Variants in PPP1R21 observed in about 807,000 individuals in gnomAD.
PPP1R21 encodes the protein protein phosphatase 1 regulatory subunit 21.
In PPP1R21, 85 loss-of-function variants were observed where a neutral mutation model predicts 112.8. The observed-to-expected ratio is 0.75, with a 90% CI of 0.63 to 0.90. PPP1R21 has a LOEUF of 0.90. Among genes scored for constraint, PPP1R21 ranks in the 40% least tolerant of loss-of-function variants. The probability of loss-of-function intolerance (pLI) is 0.00; values close to 1 mark genes in which losing one functional copy is unlikely to be tolerated. For missense variants in PPP1R21, 1,199 were observed against 901.5 expected (o/e 1.33, Z -4.23); for synonymous variants, 381 against 322.3 (o/e 1.18, Z -1.95).
At chr2:48,454,288 A>AAATC (rs1553336046) in intron 2 of PPP1R21, among the ~76,000 whole-genome samples, 2 of 152,036 alleles carry the variant, frequency 1.3e-5, no homozygotes, top group African/African-American at 4.8e-5. Flanking sequence ...ATAAATAAAT[A>AAATC]AATCAAATAA....
rs767633163 is a variant in PPP1R21, at chr2:48,459,859, C to T, written c.481C>T (p.Leu161Phe). ...CCAGCACCAAGCTGTGGTTGACGGT[C>T]TCACCCGGAAGTACATGGAAACCAT... ...AAQHQAVVDG[L>F]TRKYMETIEK... is the part of the protein sequence containing the mutation. The change falls in exon 5 of 22, where the codon CTC (leucine) becomes TTC (phenylalanine). Residue 161 changes from leucine to phenylalanine, a missense_variant. Physicochemically the swap from Leu to Phe is conservative, Grantham distance 22. Transcript: ENST00000294952. 4 of 1,614,192 alleles carry T rather than the reference C, an allele frequency of 2.5e-6. No individual in the cohort carries two copies. Among genetic ancestry groups the T allele is most frequent in the East Asian group, 2.2e-5 (1 of 44,894 alleles).
intron 1 of PPP1R21, 92 bp from the exon 2 acceptor site, chr2:48,450,916 C>A: frequency 1.0e-6 from 1 of 972,118 alleles, no homozygotes; most frequent in Non-Finnish European, 1.6e-6. Context: ...CTTAGTTACT[C>A]AGTGTAATGA....
chr2:48,474,773 T>C lies in PPP1R21; in HGVS notation c.1179T>C (p.Ala393=), dbSNP rs764058864. Residue 393 remains alanine, a synonymous_variant, in exon 12 of 22, where the codon GCT becomes GCC. Transcript: ENST00000294952. ...CCCAGGACATGAAAAAAATGACAGC[T>C]GTGTTTGAGAAGCTGCAGACTTACA... The part of the protein sequence containing the change: ...ELSQDMKKMT[A]VFEKLQTYIA... The C allele has an allele frequency of 6.2e-7, 1 of 1,613,808 alleles. No homozygotes were observed. Among genetic ancestry groups the C allele is most frequent in the East Asian group, 2.2e-5 (1 of 44,856 alleles).
At chr2:48,502,339 A>G (rs1022558690) in intron 17 of PPP1R21, among the ~76,000 whole-genome samples, 2 of 152,252 alleles carry the variant, frequency 1.3e-5, no homozygotes, top group East Asian at 1.9e-4. Flanking sequence ...TTAACTGCTA[A>G]CAGCAGATTT....
chr2:48,509,985 C>T (rs1483218368), intron 19 of PPP1R21, 30 bp from the exon 20 acceptor site: 1 of 1,542,972 alleles, frequency 6.5e-7, no homozygotes, highest in Admixed American at 1.9e-5. Context: ...AGTGCTCCCT[C>T]TAGTAATGGA....
At chr2:48,468,658 A>C (rs1668312936) in intron 9 of PPP1R21, among the ~76,000 whole-genome samples, 1 of 151,932 alleles carries the variant, frequency 6.6e-6, no homozygotes, top group Non-Finnish European at 1.5e-5. Context: ...ACCAAAAAAA[A>C]ACAAAAATTA....
chr2:48,474,789 CAG>C lies in PPP1R21; in HGVS notation c.1197_1198del (p.Gln399HisfsTer37). 6.2e-7 allele frequency: 1 copy of C among 1,613,676 alleles called. No individual in the cohort carries two copies. Among genetic ancestry groups the C allele is most frequent in the Non-Finnish European group, 8.5e-7 (1 of 1,179,774 alleles). On this transcript the variant is annotated frameshift_variant, in exon 12 of 22. Coordinates refer to ENST00000294952, the MANE Select transcript of PPP1R21 (RefSeq NM_001135629.3). LOFTEE classifies it high-confidence loss of function. ...AATGACAGCTGTGTTTGAGAAGCTG[CAG>C]ACTTACATAGCTCTTCTTGCCTTGC... is the stretch of plus-strand genomic sequence containing the variant. ...KKMTAVFEKL[Q>X]TYIALLALPS...
chr2:48,486,624 T>G lies in PPP1R21; in HGVS notation c.1319-7T>G. 1 of 1,602,896 alleles carries G rather than the reference T, an allele frequency of 6.2e-7. No individual in the cohort carries two copies. The highest frequency in any genetic ancestry group is 8.5e-7 in the Non-Finnish European group (1 of 1,170,524). ...AATAATGAATTTTCATGTAATTGCT[T>G]TTATAGATATTTCCAAACATTATAG... On this transcript the variant is annotated splice_polypyrimidine_tract_variant and splice_region_variant and intron_variant, in intron 13 of 21. Transcript: ENST00000294952.
chr2:48,506,278 G>T (rs1357077656), intron 18 of PPP1R21, among the ~76,000 whole-genome samples: 2 of 152,154 alleles, frequency 1.3e-5, no homozygotes, highest in African/African-American at 4.8e-5. Flanking sequence ...ACTTCTAGTA[G>T]AGACAGGGTT....
intron 15 of PPP1R21, 149 bp from the exon 16 acceptor site, chr2:48,495,530 C>T (rs1669796234): frequency 1.1e-5 from 6 of 560,550 alleles, no homozygotes; most frequent in Admixed American, 3.2e-5. Flanking sequence ...AAATTATCTT[C>T]GTTTTCACGT....
chr2:48,470,537 G>T (rs987283189), intron 9 of PPP1R21, among the ~76,000 whole-genome samples: 2 of 150,708 alleles, frequency 1.3e-5, no homozygotes, highest in African/African-American at 4.9e-5. Flanking sequence ...AAAAAAAAAG[G>T]TTTCTGTATC....
intron 9 of PPP1R21, among the ~76,000 whole-genome samples, chr2:48,468,853 G>GTGTT (rs1558455014): frequency 6.7e-6 from 1 of 150,314 alleles, no homozygotes; most frequent in Non-Finnish European, 1.5e-5. Context: ...GTGTGTGTGT[G>GTGTT]TGTGTATGTA....
At position 48,509,935 on chromosome 2, in the gene PPP1R21, G is replaced by A. The variant is rs1042354779; in HGVS notation, c.2086-80G>A. ...ATGAGTAGCTTTGGCTTTGAGAAGT[G>A]TTTTTAACAAACTTTCCCGAAGCAA... On this transcript the variant is annotated intron_variant, in intron 19 of 21. Transcript: ENST00000294952. 4 of 944,232 alleles carry A rather than the reference G, an allele frequency of 4.2e-6. No homozygotes were observed. In the African/African-American group the frequency reaches 6.6e-5, roughly 16 times the overall value. 58.5% of individuals were successfully genotyped at this position (944,232 alleles called of 1,614,324 possible).
chr2:48,509,879 A>G (rs1670553233), intron 19 of PPP1R21, 136 bp from the exon 20 acceptor site: 4 of 576,070 alleles, frequency 6.9e-6, no homozygotes, highest in Non-Finnish European at 9.4e-6. Flanking sequence ...CACAATGCCT[A>G]TAGGTATTCA....
chr2:48,454,821 G>T, intron 3 of PPP1R21, 80 bp downstream of exon 3: 1 of 1,063,276 alleles, frequency 9.4e-7, no homozygotes, highest in South Asian at 1.3e-5. Context: ...TTTAACAGAA[G>T]ACCCCACTGC....
intron 17 of PPP1R21, among the ~76,000 whole-genome samples, chr2:48,503,000 T>C (rs991893740): frequency 5.9e-5 from 9 of 152,150 alleles, no homozygotes; most frequent in African/African-American, 2.2e-4. Flanking sequence ...TTTCTAACTC[T>C]GTAACATTTC....
chr2:48,449,607 T>G (rs1667390515), intron 1 of PPP1R21, among the ~76,000 whole-genome samples: 1 of 152,190 alleles, frequency 6.6e-6, no homozygotes. Context: ...AATTTTCCAT[T>G]GAGTTTTAAA....
chr2:48,507,749 C>CTTTTTTTTTTTTTTTTTTTTTTTTTTT (rs34546075), intron 19 of PPP1R21, among the ~76,000 whole-genome samples: 1 of 42,406 alleles, frequency 2.4e-5, no homozygotes, highest in Non-Finnish European at 3.9e-5. Flanking sequence ...GAGGCTCTGC[C>CTTTTTTTTTTTTTTTTTTTTTTTTTTT]TTTTTTTTTT....
chr2:48,500,835 G>A (rs1670078040), intron 17 of PPP1R21, among the ~76,000 whole-genome samples: 1 of 152,134 alleles, frequency 6.6e-6, no homozygotes. Flanking sequence ...CTTGAACCTG[G>A]GAGGCGGAGG....
Sources: allele counts gnomAD v4.1 joint callset (sites outside exome capture counted in the v4.1 genomes callset), GRCh38; gene constraint gnomAD v4.1.1; transcripts MANE v1.5; gene names NCBI Gene and HGNC (gene_info 2026-07-23, HGNC 2026-07-21).